Variants in ATP6V0A1 observed in about 807,000 individuals in gnomAD.
The protein encoded by ATP6V0A1 is V-type proton ATPase 116 kDa subunit a 1.
In ATP6V0A1, 43 loss-of-function variants were observed where a neutral mutation model predicts 105.4. That is an observed-to-expected ratio of 0.41 (90% CI 0.32 to 0.53). ATP6V0A1 has a LOEUF of 0.53. ATP6V0A1 is among the 20% of genes least tolerant of loss of function. The probability of loss-of-function intolerance (pLI) is 0.30; values close to 1 mark genes in which losing one functional copy is unlikely to be tolerated. For missense variants in ATP6V0A1, 676 were observed against 1,051.1 expected, an observed-to-expected ratio of 0.64 and a Z score of 4.93; for synonymous variants, 362 against 372.8, an observed-to-expected ratio of 0.97 and a Z score of 0.33.
chr17:42,485,836 A>T (rs969474430), intron 9 of ATP6V0A1, among the ~76,000 whole-genome samples: 1 of 152,134 alleles, frequency 6.6e-6, no homozygotes. Context: ...GGATTACAGG[A>T]GTGAGTAATA....
At chr17:42,482,895 CAAAAAAA>C in intron 8 of ATP6V0A1, 136 bp from the exon 9 acceptor site, 1 of 140,264 alleles carries the variant, frequency 7.1e-6, no homozygotes, top group Non-Finnish European at 1.2e-5. Flanking sequence ...AACTCTGTCT[CAAAAAAA>C]AAAAAAAAAA....
In ATP6V0A1 at chr17:42,498,896, A is replaced by G. The variant is rs759307991; in HGVS notation, c.1561-28A>G. The stretch of plus-strand genomic sequence containing the variant: ...TTTCCCTTTGAGAATTCTTTATAAT[A>G]CCTATTTGTTTTCTCGGGTTATGAC... On this transcript the variant is annotated intron_variant, in intron 14 of 21. Transcript: ENST00000343619. 2.8e-6 allele frequency: 4 copies of G among 1,420,772 alleles called. No individual in the cohort carries two copies. The Admixed American group carries it at 7.2e-5, about 26-fold the overall frequency. The allele number at this position is 1,420,772 out of a possible 1,614,324, so 88.0% of individuals were successfully genotyped here. A position where few individuals can be genotyped will look rare whatever the true frequency, so the allele number is the denominator to read the frequency against.
At chr17:42,478,656 A>T in intron 7 of ATP6V0A1, 67 bp downstream of exon 7, 1 of 1,448,348 alleles carries the variant, frequency 6.9e-7, no homozygotes, top group Non-Finnish European at 9.3e-7. Flanking sequence ...GTAACGTAGC[A>T]TGGGGCCACC....
intron 8 of ATP6V0A1, among the ~76,000 whole-genome samples, chr17:42,482,730 C>T (rs12938242): frequency 6.6e-6 from 1 of 151,708 alleles, no homozygotes; most frequent in Non-Finnish European, 1.5e-5. Flanking sequence ...AACCCTGTCT[C>T]TAGTAAAAAT....
chr17:42,520,489 C>T (rs1232420345), intron 21 of ATP6V0A1: 1 of 456,640 alleles, frequency 2.2e-6, no homozygotes, highest in Non-Finnish European at 4.4e-6. Flanking sequence ...AATATTTTTG[C>T]CATTGCTTTG....
In ATP6V0A1 at chr17:42,520,863, C is replaced by T; in HGVS notation, c.2421-164C>T. The T allele has an allele frequency of 6.1e-6, 4 of 657,540 alleles. No homozygotes were observed. The South Asian group carries it at 7.2e-5, about 12-fold the overall frequency. 40.7% of individuals were successfully genotyped at this position (657,540 alleles called of 1,614,324 possible). The stretch of plus-strand genomic sequence containing the variant: ...CGTGCGTCGAACTCTTGATCCCAGG[C>T]CTTAAAAGTGGGATCTCTGCACTCT... On this transcript the variant is annotated intron_variant, in intron 21 of 21. Transcript: ENST00000343619.
At chr17:42,479,372 TC>T (rs2089203140) in intron 7 of ATP6V0A1, among the ~76,000 whole-genome samples, 1 of 152,216 alleles carries the variant, frequency 6.6e-6, no homozygotes, top group South Asian at 2.1e-4. Flanking sequence ...AGGATGATCT[TC>T]CCCACCCAGT....
intron 14 of ATP6V0A1, among the ~76,000 whole-genome samples, chr17:42,497,567 G>A (rs922309036): frequency 3.3e-5 from 5 of 151,604 alleles, no homozygotes; most frequent in African/African-American, 7.3e-5. Flanking sequence ...CCAGCTACTC[G>A]GGAAGTTGAG....
intron 21 of ATP6V0A1, among the ~76,000 whole-genome samples, chr17:42,517,203 C>G (rs757064512): frequency 2.6e-5 from 4 of 152,062 alleles, no homozygotes; most frequent in Non-Finnish European, 5.9e-5. Flanking sequence ...TCGCTTGAAC[C>G]CAGGAGATGG....
intron 5 of ATP6V0A1, among the ~76,000 whole-genome samples, chr17:42,476,727 A>G (rs910399440): frequency 6.6e-6 from 1 of 152,162 alleles, no homozygotes; most frequent in Non-Finnish European, 1.5e-5. Flanking sequence ...ATTTCATTGT[A>G]TAAACTGTCA....
chr17:42,474,340 A>G (rs1206679397), intron 5 of ATP6V0A1, among the ~76,000 whole-genome samples: 1 of 148,864 alleles, frequency 6.7e-6, no homozygotes, highest in Non-Finnish European at 1.5e-5. Context: ...TTTTTTTTCC[A>G]GTCTCTGGAA....
At chr17:42,514,702 C>T (rs2092527240) in intron 21 of ATP6V0A1, among the ~76,000 whole-genome samples, 1 of 152,156 alleles carries the variant, frequency 6.6e-6, no homozygotes. Flanking sequence ...TGAGTGGTGT[C>T]AGGTCCCGCT....
In ATP6V0A1 at chr17:42,508,830, CTG is replaced by C. The variant is rs1454282644; in HGVS notation, c.2130+242_2130+243del. Among the ~76,000 whole-genome samples the C allele has an allele frequency of 7.2e-5, 11 of 152,352 alleles. No individual in the cohort carries two copies. The South Asian group carries it at 1.0e-3, about 14-fold the overall frequency. The stretch of plus-strand genomic sequence containing the variant: ...CATTGACTTTGCTGATTTAACACCT[CTG>C]AGAATGGCTTTGAAAGGAGCTACAA... On this transcript the variant is annotated intron_variant, in intron 19 of 21. Transcript: ENST00000343619.
chr17:42,492,735 G>T (rs1490596879), intron 11 of ATP6V0A1, among the ~76,000 whole-genome samples: 1 of 147,692 alleles, frequency 6.8e-6, no homozygotes. Context: ...AAGTTCATCG[G>T]CTGGGCGTGG....
intron 21 of ATP6V0A1, among the ~76,000 whole-genome samples, chr17:42,514,950 G>A (rs2092543431): frequency 6.6e-6 from 1 of 152,108 alleles, no homozygotes; most frequent in Non-Finnish European, 1.5e-5. Flanking sequence ...CTCCATTGTG[G>A]ACCGGAGGGA....
intron 7 of ATP6V0A1, among the ~76,000 whole-genome samples, chr17:42,479,733 A>G (rs559070138): frequency 1.8e-4 from 27 of 152,278 alleles, no homozygotes; most frequent in African/African-American, 5.8e-4. Context: ...CCCCCTGCCT[A>G]GGGGTGTAGT....
At position 42,494,438 on chromosome 17, in the gene ATP6V0A1, G is replaced by C. The variant is rs2090965033; in HGVS notation, c.1279G>C (p.Glu427Gln). 6.2e-7 allele frequency: 1 copy of C among 1,613,786 alleles called. No individual in the cohort carries two copies. Among genetic ancestry groups the C allele is most frequent in the African/African-American group, 1.3e-5 (1 of 74,888 alleles). ...TLFAVWMVLR[E>Q]SRILSQKNEN... ...TTTTGCTGTGTGGATGGTACTGAGG[G>C]AGAGCCGGATCCTTTCCCAGAAGAA... Residue 427 changes from glutamate (E) to glutamine (Q), a missense_variant, in exon 12 of 22, where the codon GAG becomes CAG. Glu to Gln is a conservative substitution (Grantham distance 29). Around this residue, in one of 3 missense-constraint regions of ATP6V0A1, gnomAD observed 435 missense variants for 642.2 expected, o/e 0.68. Coordinates refer to ENST00000343619, the MANE Select transcript of ATP6V0A1 (RefSeq NM_001130021.3).
At chr17:42,501,078 T>C in intron 16 of ATP6V0A1, 119 bp from the exon 17 acceptor site, 2 of 1,153,664 alleles carry the variant, frequency 1.7e-6, no homozygotes, top group South Asian at 2.8e-5. Flanking sequence ...AATTGGATAG[T>C]GTTATTCATA....
At chr17:42,485,732 G>T (rs1335263915) in intron 9 of ATP6V0A1, among the ~76,000 whole-genome samples, 3 of 152,030 alleles carry the variant, frequency 2.0e-5, no homozygotes, top group African/African-American at 7.3e-5. Context: ...TTTTTGGTAT[G>T]TTTTTGTAGA....
Sources: allele counts gnomAD v4.1 joint callset (sites outside exome capture counted in the v4.1 genomes callset), GRCh38; gene constraint gnomAD v4.1.1; regional missense constraint gnomAD v4.1.1; transcripts MANE v1.5; gene names NCBI Gene and HGNC (gene_info 2026-07-23, HGNC 2026-07-21).